Variants in ZMAT4 observed in about 807,000 individuals in gnomAD.
The protein encoded by ZMAT4 is zinc finger matrin-type protein 4.
A neutral mutation model predicts 28.7 loss-of-function variants in ZMAT4; 17 were observed. That is an observed-to-expected ratio of 0.59 (90% CI 0.41 to 0.89). ZMAT4 has a LOEUF of 0.89. ZMAT4 is among the 40% of genes least tolerant of loss of function. The pLI is 0.00. For synonymous variants in ZMAT4, 117 were observed against 109.2 expected (o/e 1.07, Z -0.44); for missense variants, 240 against 283.8 (o/e 0.85, Z 1.11).
chr8:40,564,419 C>G (rs1439030676), intron 6 of ZMAT4, among the ~76,000 whole-genome samples: 2 of 152,164 alleles, frequency 1.3e-5, no homozygotes, highest in Non-Finnish European at 2.9e-5. Flanking sequence ...GTCAATGACA[C>G]TCTATATTTC....
At chr8:40,767,068 C>T (rs1442154357) in intron 3 of ZMAT4, among the ~76,000 whole-genome samples, 1 of 152,174 alleles carries the variant, frequency 6.6e-6, no homozygotes, top group Non-Finnish European at 1.5e-5. Flanking sequence ...TTTGCCTTGG[C>T]CTGGCTGAAA....
intron 5 of ZMAT4, among the ~76,000 whole-genome samples, chr8:40,602,686 A>G (rs1805441022): frequency 6.6e-6 from 1 of 151,874 alleles, no homozygotes; most frequent in African/African-American, 2.4e-5. Context: ...AGAATTGTCT[A>G]TTTATGTCCT....
At chr8:40,541,914 C>T (rs971207455) in intron 6 of ZMAT4, among the ~76,000 whole-genome samples, 48 of 152,300 alleles carry the variant, frequency 3.2e-4, no homozygotes, top group African/African-American at 1.1e-3. Flanking sequence ...TCCCACAGTG[C>T]CAGCAATTAC....
intron 6 of ZMAT4, among the ~76,000 whole-genome samples, chr8:40,572,930 T>C (rs958510714): frequency 2.0e-5 from 3 of 152,190 alleles, no homozygotes; most frequent in African/African-American, 7.2e-5. Context: ...GCATATGACC[T>C]GACTTTTGCC....
intron 4 of ZMAT4, among the ~76,000 whole-genome samples, chr8:40,687,230 T>G (rs1326599018): frequency 6.6e-6 from 1 of 152,188 alleles, no homozygotes; most frequent in African/African-American, 2.4e-5. Context: ...TAATGACACT[T>G]GAGACACATA....
intron 3 of ZMAT4, among the ~76,000 whole-genome samples, chr8:40,762,676 A>T (rs758881706): frequency 2.6e-5 from 4 of 152,166 alleles, no homozygotes; most frequent in Non-Finnish European, 5.9e-5. Context: ...AAAAACAAAA[A>T]TGAAAAGATA....
At position 40,767,674 on chromosome 8, in the gene ZMAT4, T is replaced by G; in HGVS notation, c.159A>C (p.Gly53=). The change falls in exon 3 of 7, where the codon GGA becomes GGC. Residue 53 remains glycine (G), a synonymous_variant. Transcript: ENST00000297737. The stretch of plus-strand genomic sequence containing the variant: ...ACCGGAGCCTCTTGGCAGGACACCC[T>G]CCATCCCTGGGGTGAAGCATGTAAT... The part of the protein sequence containing the change: ...RLYYMLHPRD[G]GCPAKRLRSE... The G allele has an allele frequency of 1.2e-6, 2 of 1,612,972 alleles. No homozygotes were observed. Among genetic ancestry groups the G allele is most frequent in the Non-Finnish European group, 8.5e-7 (1 of 1,179,622 alleles).
chr8:40,741,350 G>C (rs111554704), intron 3 of ZMAT4, among the ~76,000 whole-genome samples: 2 of 151,822 alleles, frequency 1.3e-5, no homozygotes, highest in Non-Finnish European at 2.9e-5. Context: ...GGGAGGCTGA[G>C]GTAGGAGAAT....
At position 40,534,542 on chromosome 8, in the gene ZMAT4, C is replaced by T. The variant is rs192184886; in HGVS notation, c.675-2304G>A. Among the ~76,000 whole-genome samples, 4 of 152,284 alleles carry T rather than the reference C, an allele frequency of 2.6e-5. No homozygotes were observed. The East Asian group carries it at 7.7e-4, about 29-fold the overall frequency. On this transcript the variant is annotated intron_variant, in intron 6 of 6. Coordinates refer to ENST00000297737, the MANE Select transcript of ZMAT4 (RefSeq NM_024645.3). ...TTCTCTGACAGCCTTAAATATGATTCCATCTGAAGAGAGAATTTCAATTGC... is the reference window on the plus strand; with the variant it reads ...TTCTCTGACAGCCTTAAATATGATTTCATCTGAAGAGAGAATTTCAATTGC...
intron 3 of ZMAT4, among the ~76,000 whole-genome samples, chr8:40,725,161 C>T (rs989885559): frequency 6.6e-6 from 1 of 152,116 alleles, no homozygotes; most frequent in African/African-American, 2.4e-5. Flanking sequence ...CTTCCTGAGA[C>T]ACCTGTAAGT....
In ZMAT4 at chr8:40,692,364, A is replaced by G. The variant is rs756950926; in HGVS notation, c.349+4881T>C. 8.5e-5 allele frequency among the ~76,000 whole-genome samples: 13 copies of G among 152,350 alleles called. 1 individual carries two copies. In the East Asian group the frequency reaches 1.9e-3, roughly 23 times the overall value. ...GGGAATTATATGAAAGATTGCACTC[A>G]TATCCATTTTTACTGTGAATGATAG... On this transcript the variant is annotated intron_variant, in intron 4 of 6. Transcript: ENST00000297737.
chr8:40,693,867 G>A (rs968961589), intron 4 of ZMAT4, among the ~76,000 whole-genome samples: 1 of 152,196 alleles, frequency 6.6e-6, no homozygotes, highest in Non-Finnish European at 1.5e-5. Flanking sequence ...GGGGTGGAAA[G>A]GTAGTGATTC....
At chr8:40,873,766 G>A (rs1035595559) in intron 1 of ZMAT4, among the ~76,000 whole-genome samples, 1 of 152,140 alleles carries the variant, frequency 6.6e-6, no homozygotes, top group Non-Finnish European at 1.5e-5. Context: ...TTCATCAGCG[G>A]TTAGGACATG....
chr8:40,826,241 A>G (rs1159816473), intron 1 of ZMAT4, among the ~76,000 whole-genome samples: 1 of 152,242 alleles, frequency 6.6e-6, no homozygotes, highest in African/African-American at 2.4e-5. Flanking sequence ...CACACTAGAA[A>G]ACTATGTGGC....
chr8:40,864,340 T>G (rs139027458), intron 1 of ZMAT4, among the ~76,000 whole-genome samples: 83 of 152,362 alleles, frequency 5.4e-4, no homozygotes, highest in African/African-American at 1.9e-3. Context: ...ACTAGAACTT[T>G]GCATAAATGA....
intron 2 of ZMAT4, among the ~76,000 whole-genome samples, chr8:40,819,090 A>C (rs1815649760): frequency 6.6e-6 from 1 of 152,144 alleles, no homozygotes; most frequent in African/African-American, 2.4e-5. Context: ...CCAAGGCCAA[A>C]GTTCTGTCGG....
intron 5 of ZMAT4, among the ~76,000 whole-genome samples, chr8:40,587,707 C>T (rs776788861): frequency 5.9e-5 from 9 of 151,746 alleles, no homozygotes; most frequent in Non-Finnish European, 1.3e-4. Context: ...AATAGCAAAA[C>T]AGAAAATGGA....
intron 5 of ZMAT4, among the ~76,000 whole-genome samples, chr8:40,626,024 C>T (rs764707152): frequency 1.1e-4 from 17 of 150,022 alleles, no homozygotes; most frequent in Non-Finnish European, 2.2e-4. Context: ...GCAGGAGAAT[C>T]GTTTGAACCC....
intron 1 of ZMAT4, among the ~76,000 whole-genome samples, chr8:40,826,533 GAGCCTTTA>G (rs1816051445): frequency 6.6e-6 from 1 of 152,070 alleles, no homozygotes; most frequent in Non-Finnish European, 1.5e-5. Context: ...GCTTTGTCTA[GAGCCTTTA>G]AGCGGTATAA....
Sources: allele counts gnomAD v4.1 joint callset (sites outside exome capture counted in the v4.1 genomes callset), GRCh38; gene constraint gnomAD v4.1.1; transcripts MANE v1.5; gene names NCBI Gene and HGNC (gene_info 2026-07-23, HGNC 2026-07-21).